The following CNTNAP2 variants were observed in gnomAD, a reference collection of about 807,000 sequenced individuals.
The protein encoded by CNTNAP2 is contactin-associated protein-like 2.
Under a neutral mutation model 155.2 loss-of-function variants are expected in CNTNAP2, and 98 were observed. That is an observed-to-expected ratio of 0.63 (90% confidence interval 0.54 to 0.75). The LOEUF (loss-of-function observed/expected upper bound fraction) is 0.75, where lower values mean the gene tolerates loss of function less well. Among genes scored for constraint, CNTNAP2 ranks in the 30% least tolerant of loss-of-function variants. The pLI, the probability that CNTNAP2 is intolerant of heterozygous loss-of-function variation, is 0.00. For synonymous variants in CNTNAP2, 651 were observed against 631.2 expected (o/e 1.03, Z -0.47); for missense variants, 1,727 against 1,688.1 (o/e 1.02, Z -0.40).
chr7:147,707,715 T>C (rs1368057773), intron 13 of CNTNAP2, among the ~76,000 whole-genome samples: 1 of 152,196 alleles, frequency 6.6e-6, no homozygotes, highest in African/African-American at 2.4e-5. Flanking sequence ...GAATGGGTGA[T>C]GGCAGTAGCA....
intron 3 of CNTNAP2, among the ~76,000 whole-genome samples, chr7:146,989,672 T>G (rs1025356755): frequency 3.9e-5 from 6 of 152,158 alleles, no homozygotes; most frequent in Non-Finnish European, 8.8e-5. Context: ...TAGGCACTTA[T>G]GAATAAGTAG....
intron 1 of CNTNAP2, among the ~76,000 whole-genome samples, chr7:146,176,456 T>C (rs1037200994): frequency 1.3e-5 from 2 of 152,200 alleles, no homozygotes; most frequent in Admixed American, 1.3e-4. Context: ...CTCTCATTTT[T>C]TATTGAAATA....
chr7:147,018,941 A>C lies in CNTNAP2; in HGVS notation c.403-24966A>C, dbSNP rs528674908. Among the ~76,000 whole-genome samples the C allele has an allele frequency of 1.2e-4, 18 of 152,208 alleles. No homozygotes were observed. In the East Asian group the frequency reaches 2.9e-3, roughly 25 times the overall value. On this transcript the variant is annotated intron_variant, in intron 3 of 23. Transcript: ENST00000361727. The stretch of plus-strand genomic sequence containing the variant: ...CTCAGTGACAATTTGTACAATTACC[A>C]GTGAAGATTAGCTGCCCAAGATGAT...
At chr7:147,317,806 A>ATATATGTGTATGTG (rs1554468809) in intron 9 of CNTNAP2, among the ~76,000 whole-genome samples, 40 of 84,858 alleles carry the variant, frequency 4.7e-4, no homozygotes, top group Admixed American at 1.3e-3. Flanking sequence ...GTGTATATGT[A>ATATATGTGTATGTG]TATATATGTG....
intron 21 of CNTNAP2, among the ~76,000 whole-genome samples, chr7:148,296,792 C>G (rs1797294219): frequency 6.6e-6 from 1 of 152,142 alleles, no homozygotes; most frequent in Admixed American, 6.6e-5. Context: ...TTTCAAGAAG[C>G]CTAATCTAAA....
chr7:146,358,021 A>T (rs867339015), intron 1 of CNTNAP2, among the ~76,000 whole-genome samples: 8 of 139,950 alleles, frequency 5.7e-5, no homozygotes, highest in South Asian at 2.1e-4. Flanking sequence ...TATTTATTTA[A>T]TTTTATTTAT....
chr7:147,200,568 A>C (rs1391345691), intron 8 of CNTNAP2, among the ~76,000 whole-genome samples: 2 of 152,212 alleles, frequency 1.3e-5, no homozygotes, highest in Admixed American at 6.5e-5. Context: ...TCTAGTGGAC[A>C]GCAAATACAC....
intron 8 of CNTNAP2, among the ~76,000 whole-genome samples, chr7:147,148,084 A>G (rs1267754019): frequency 6.6e-6 from 1 of 152,210 alleles, no homozygotes; most frequent in Non-Finnish European, 1.5e-5. Flanking sequence ...AAATCATGCA[A>G]CATTATATGG....
chr7:147,862,312 A>G (rs137955036), intron 13 of CNTNAP2, among the ~76,000 whole-genome samples: 35 of 152,280 alleles, frequency 2.3e-4, no homozygotes, highest in African/African-American at 8.2e-4. Flanking sequence ...ATTTGCATCA[A>G]TTTCAACCAT....
chr7:147,050,287 A>G (rs531143475), intron 4 of CNTNAP2, among the ~76,000 whole-genome samples: 2 of 152,296 alleles, frequency 1.3e-5, no homozygotes, highest in South Asian at 2.1e-4. Flanking sequence ...CATTACTCAA[A>G]CATTCATTTT....
At chr7:148,016,120 G>T (rs770778874) in intron 15 of CNTNAP2, among the ~76,000 whole-genome samples, 5 of 152,168 alleles carry the variant, frequency 3.3e-5, no homozygotes, top group Non-Finnish European at 5.9e-5. Flanking sequence ...ACATGCCCTG[G>T]CAATTCGGGC....
At chr7:146,969,486 T>A (rs1383078706) in intron 3 of CNTNAP2, among the ~76,000 whole-genome samples, 1 of 152,152 alleles carries the variant, frequency 6.6e-6, no homozygotes, top group African/African-American at 2.4e-5. Context: ...TTTATGAATC[T>A]GGGTGCTCTT....
chr7:147,740,885 T>G (rs1796945450), intron 13 of CNTNAP2, among the ~76,000 whole-genome samples: 1 of 152,068 alleles, frequency 6.6e-6, no homozygotes, highest in African/African-American at 2.4e-5. Context: ...CAGGCAGAAG[T>G]CCTCAAGCTC....
intron 17 of CNTNAP2, among the ~76,000 whole-genome samples, chr7:148,154,430 C>G (rs1805362592): frequency 6.6e-6 from 1 of 152,164 alleles, no homozygotes. Context: ...TAAAATACAG[C>G]TTGTTTGGTC....
intron 21 of CNTNAP2, among the ~76,000 whole-genome samples, chr7:148,307,670 G>T (rs559463754): frequency 5.3e-4 from 81 of 152,232 alleles, no homozygotes; most frequent in African/African-American, 1.6e-3. Flanking sequence ...GAAAAAATGT[G>T]AAGAATATAC....
intron 21 of CNTNAP2, among the ~76,000 whole-genome samples, chr7:148,294,475 A>C (rs945001320): frequency 8.5e-5 from 13 of 152,240 alleles, no homozygotes; most frequent in Non-Finnish European, 1.9e-4. Context: ...TTAATCAAAA[A>C]TTGGAGAATT....
chr7:148,012,385 GCTGGCCAGGGC>G (rs1488221596), intron 15 of CNTNAP2, among the ~76,000 whole-genome samples: 36 of 152,216 alleles, frequency 2.4e-4, no homozygotes, highest in Non-Finnish European at 4.8e-4. Context: ...GTAGAATGGT[GCTGGCCAGGGC>G]CTGGGGAGAT....
chr7:146,937,642 G>T (rs984822512), intron 3 of CNTNAP2, among the ~76,000 whole-genome samples: 2 of 152,236 alleles, frequency 1.3e-5, no homozygotes, highest in African/African-American at 4.8e-5. Context: ...CCTGACACCT[G>T]CCCTGGAAAC....
At chr7:146,711,307 ATAT>A (rs947596710) in intron 1 of CNTNAP2, among the ~76,000 whole-genome samples, 3 of 141,068 alleles carry the variant, frequency 2.1e-5, no homozygotes, top group African/African-American at 2.6e-5. Flanking sequence ...ATATATGTAT[ATAT>A]TATATGTGTA....
Sources: allele counts gnomAD v4.1 joint callset (sites outside exome capture counted in the v4.1 genomes callset), GRCh38; gene constraint gnomAD v4.1.1; transcripts MANE v1.5; gene names NCBI Gene and HGNC (gene_info 2026-07-23, HGNC 2026-07-21).